ERC2: variants seen among roughly 807,000 people sequenced by gnomAD.
The protein encoded by ERC2 is ERC protein 2.
A neutral mutation model predicts 114.8 loss-of-function variants in ERC2; 42 were observed. The observed-to-expected ratio is 0.37, with a 90% CI of 0.29 to 0.47. ERC2 has a LOEUF of 0.47. Among genes scored for constraint, ERC2 ranks in the 20% least tolerant of loss-of-function variants. The pLI is 0.99. For missense variants in ERC2, 939 were observed against 1,150.7 expected (o/e 0.82, Z 2.66); for synonymous variants, 454 against 425.5 (o/e 1.07, Z -0.82).
intron 13 of ERC2, among the ~76,000 whole-genome samples, chr3:55,909,282 C>T (rs1420159439): frequency 6.6e-6 from 1 of 152,200 alleles, no homozygotes. Flanking sequence ...ATTCCTTGGC[C>T]ACATCAGGAC....
chr3:55,745,979 G>A (rs2066274580), intron 14 of ERC2, among the ~76,000 whole-genome samples: 1 of 152,090 alleles, frequency 6.6e-6, no homozygotes, highest in Non-Finnish European at 1.5e-5. Flanking sequence ...TTATTTCTCA[G>A]TCTTTGCACA....
intron 3 of ERC2, among the ~76,000 whole-genome samples, chr3:56,247,395 AATTT>A (rs1435797162): frequency 6.6e-6 from 1 of 152,216 alleles, no homozygotes; most frequent in African/African-American, 2.4e-5. Flanking sequence ...TTCTCCTATC[AATTT>A]GTTTATAATG....
chr3:55,880,955 T>C (rs553641607), intron 14 of ERC2, among the ~76,000 whole-genome samples: 14 of 152,146 alleles, frequency 9.2e-5, no homozygotes, highest in African/African-American at 2.9e-4. Context: ...ATAATCTCAG[T>C]CAATCCCCAT....
At chr3:55,970,812 C>T (rs188235534) in intron 12 of ERC2, among the ~76,000 whole-genome samples, 258 of 152,250 alleles carry the variant, frequency 1.7e-3, no homozygotes, top group South Asian at 4.6e-3. Flanking sequence ...ATAGTTACCA[C>T]GGGACACAGC....
chr3:55,992,146 G>C lies in ERC2; in HGVS notation c.2166C>G (p.Ala722=). ...CCAGCAACCGGTCCACTTCCGCTTG[G>C]GCCTTGCCACACTCGTCGCGGTAGT... ...ASYYRDECGK[A]QAEVDRLLEI... Residue 722 remains alanine (A), a synonymous_variant, in exon 11 of 18, where the codon GCC becomes GCG. Coordinates refer to ENST00000288221, the MANE Select transcript of ERC2 (RefSeq NM_015576.3). The C allele has an allele frequency of 1.2e-6, 2 of 1,613,772 alleles. No individual in the cohort carries two copies. Among genetic ancestry groups the C allele is most frequent in the Non-Finnish European group, 1.7e-6 (2 of 1,179,864 alleles).
At position 55,599,696 on chromosome 3, in the gene ERC2, G is replaced by A. The variant is rs1036147567; in HGVS notation, c.*39+84098C>T. Among the ~76,000 whole-genome samples, 124 of 152,282 alleles carry A rather than the reference G, an allele frequency of 8.1e-4. 1 individual carries two copies. Among genetic ancestry groups the A allele is most frequent in the African/African-American group, 2.8e-3 (116 of 41,548 alleles). On this transcript the variant is annotated intron_variant, in intron 17 of 17. Transcript: ENST00000288221. ...GGAAGAGTGACTACAGTCATCTATA[G>A]TAAGAAATTCTCAGTTGGAATATTC...
intron 16 of ERC2, among the ~76,000 whole-genome samples, chr3:55,697,925 T>C (rs1414403763): frequency 1.3e-5 from 2 of 150,302 alleles, no homozygotes; most frequent in African/African-American, 4.9e-5. Context: ...TGAGAACGAG[T>C]TGGTTTAGTT....
chr3:56,422,887 G>C (rs540018871), intron 2 of ERC2, among the ~76,000 whole-genome samples: 2 of 152,258 alleles, frequency 1.3e-5, no homozygotes, highest in Admixed American at 1.3e-4. Flanking sequence ...GCAAATTCTT[G>C]GCACATAGAA....
At chr3:56,083,029 C>A (rs541689480) in intron 6 of ERC2, among the ~76,000 whole-genome samples, 1 of 152,094 alleles carries the variant, frequency 6.6e-6, no homozygotes, top group African/African-American at 2.4e-5. Flanking sequence ...CAAAACTGGT[C>A]GCTGGTGCCA....
Position 55,774,423 on chromosome 3 carries a change from G to A in ERC2, c.2565-39505C>T, listed in dbSNP as rs114961629. On this transcript the variant is annotated intron_variant, in intron 14 of 17. Transcript: ENST00000288221. Reference sequence around the variant, plus strand: ...GATACAAAGCACTCAGGGACCCCCCGACTTCGTGGTCTCCCATCAATGTTA... The same window carrying A: ...GATACAAAGCACTCAGGGACCCCCCAACTTCGTGGTCTCCCATCAATGTTA... Among the ~76,000 whole-genome samples the A allele has an allele frequency of 7.7e-3, 1,174 of 152,322 alleles. 15 individuals carry two copies. Among genetic ancestry groups the A allele is most frequent in the African/African-American group, 0.027 (1,120 of 41,550 alleles).
At chr3:56,297,146 T>G (rs1193549714) in intron 2 of ERC2, among the ~76,000 whole-genome samples, 2 of 136,402 alleles carry the variant, frequency 1.5e-5, no homozygotes, top group African/African-American at 5.5e-5. Context: ...AAGCAAAAAA[T>G]CAACACAAAG....
intron 14 of ERC2, among the ~76,000 whole-genome samples, chr3:55,862,318 G>T (rs1314863983): frequency 6.6e-6 from 1 of 152,038 alleles, no homozygotes; most frequent in Non-Finnish European, 1.5e-5. Flanking sequence ...CCCACTTCAG[G>T]CCAACGACAT....
chr3:56,100,872 A>G (rs186778455), intron 6 of ERC2, among the ~76,000 whole-genome samples: 2 of 152,310 alleles, frequency 1.3e-5, no homozygotes, highest in Admixed American at 6.5e-5. Context: ...TACACATGCT[A>G]TAAGAGTTAT....
At chr3:56,213,843 G>A (rs1409159966) in intron 3 of ERC2, among the ~76,000 whole-genome samples, 1 of 152,030 alleles carries the variant, frequency 6.6e-6, no homozygotes, top group Non-Finnish European at 1.5e-5. Context: ...AACATCTGCT[G>A]TTCAGTATTC....
chr3:56,457,757 C>T (rs1360071638), intron 1 of ERC2, among the ~76,000 whole-genome samples: 3 of 152,154 alleles, frequency 2.0e-5, no homozygotes, highest in Non-Finnish European at 4.4e-5. Context: ...TCTCGCTTAC[C>T]TTTGGACCTA....
chr3:56,103,727 C>CA (rs927598317), intron 6 of ERC2, among the ~76,000 whole-genome samples: 1 of 150,908 alleles, frequency 6.6e-6, no homozygotes, highest in Non-Finnish European at 1.5e-5. Context: ...AATAATTTAA[C>CA]AAAAAAACTA....
At chr3:56,393,788 A>G (rs2106869105) in intron 2 of ERC2, among the ~76,000 whole-genome samples, 1 of 152,274 alleles carries the variant, frequency 6.6e-6, no homozygotes, top group African/African-American at 2.4e-5. Context: ...CAGCTGACTG[A>G]AAGCCAGGAT....
At chr3:56,171,006 C>T (rs151283118) in intron 4 of ERC2, among the ~76,000 whole-genome samples, 12 of 152,088 alleles carry the variant, frequency 7.9e-5, no homozygotes, top group African/African-American at 1.4e-4. Flanking sequence ...CCTCATGATC[C>T]GCCTGCCTCG....
intron 2 of ERC2, among the ~76,000 whole-genome samples, chr3:56,348,862 TGAAAGAAA>T (rs1351917880): frequency 0.027 from 2,732 of 99,908 alleles, 109 homozygotes; most frequent in African/African-American, 0.1. Context: ...ACCACCAAAA[TGAAAGAAA>T]GGAAGGAAGG....
Sources: gnomAD v4.1 joint callset for allele counts (sites outside exome capture counted in the v4.1 genomes callset) on GRCh38, gnomAD v4.1.1 for gene constraint, MANE v1.5 for transcripts, NCBI Gene and HGNC (gene_info 2026-07-23, HGNC 2026-07-21) for gene names.